YME1L1: variants seen among roughly 807,000 people sequenced by gnomAD.
YME1L1 encodes YME1 like 1 ATPase, also known as ATP-dependent zinc metalloprotease YME1L1.
Under a neutral mutation model 90.4 loss-of-function variants are expected in YME1L1, and 39 were observed. The ratio of observed to expected loss-of-function variants is 0.43; its 90% CI spans 0.33 to 0.56. The LOEUF (loss-of-function observed/expected upper bound fraction) is 0.56, where lower values mean the gene tolerates loss of function less well. Among genes scored for constraint, YME1L1 ranks in the 20% least tolerant of loss-of-function variants. The probability of loss-of-function intolerance (pLI) is 0.03; values close to 1 mark genes in which losing one functional copy is unlikely to be tolerated. For missense variants in YME1L1, 617 were observed against 868.4 expected (o/e 0.71, Z 3.64); for synonymous variants, 284 against 287.3 (o/e 0.99, Z 0.12).
chr10:27,115,706 A>G (rs2056806036), intron 17 of YME1L1, among the ~76,000 whole-genome samples: 1 of 152,202 alleles, frequency 6.6e-6, no homozygotes, highest in South Asian at 2.1e-4. Flanking sequence ...AGAGTATAGT[A>G]GTGCTTCAAG....
chr10:27,136,140 C>T, intron 5 of YME1L1, 136 bp downstream of exon 5: 2 of 713,814 alleles, frequency 2.8e-6, no homozygotes. Flanking sequence ...AATGATTACA[C>T]AGGTTACTAA....
chr10:27,115,707 G>A (rs76038380), intron 17 of YME1L1, among the ~76,000 whole-genome samples: 310 of 152,276 alleles, frequency 2.0e-3, no homozygotes, highest in Non-Finnish European at 3.7e-3. Flanking sequence ...GAGTATAGTA[G>A]TGCTTCAAGG....
At chr10:27,140,341 A>G (rs1199784911) in intron 4 of YME1L1, among the ~76,000 whole-genome samples, 5 of 151,670 alleles carry the variant, frequency 3.3e-5, no homozygotes, top group Admixed American at 3.3e-4. Flanking sequence ...CCTCAATGTC[A>G]TTTTGTCCTC....
chr10:27,140,351 C>T (rs762802080), intron 4 of YME1L1, among the ~76,000 whole-genome samples: 64 of 152,104 alleles, frequency 4.2e-4, no homozygotes, highest in Non-Finnish European at 7.8e-4. Context: ...ATTTTGTCCT[C>T]ACCAAGAGTC....
chr10:27,148,422 T>G (rs1278525640), intron 2 of YME1L1, among the ~76,000 whole-genome samples: 2 of 152,106 alleles, frequency 1.3e-5, no homozygotes, highest in African/African-American at 4.8e-5. Context: ...AGGCTAGTCT[T>G]GAACTCCTGA....
intron 17 of YME1L1, 82 bp from the exon 18 acceptor site, chr10:27,114,689 A>ATTTGTTTCCT: frequency 1.0e-6 from 1 of 1,001,858 alleles, no homozygotes; most frequent in Non-Finnish European, 1.5e-6. Context: ...TATCCTATAT[A>ATTTGTTTCCT]TAAGGAAACA....
Position 27,118,297 on chromosome 10 carries a change from G to C in YME1L1, c.1568-570C>G, listed in dbSNP as rs146240534. On this transcript the variant is annotated intron_variant, in intron 14 of 18. Transcript: ENST00000376016. The stretch of plus-strand genomic sequence containing the variant: ...AGCTTTAGTAATTTTTAGTAATTTT[G>C]TTTCTTTTTAAACAGGGTCTGTAAC... Among the ~76,000 whole-genome samples the C allele has an allele frequency of 3.8e-3, 573 of 149,716 alleles. 3 individuals are homozygous for C. Among genetic ancestry groups the C allele is most frequent in the Non-Finnish European group, 6.3e-3 (428 of 67,898 alleles).
At chr10:27,123,100 C>A in intron 10 of YME1L1, 127 bp from the exon 11 acceptor site, 1 of 1,205,828 alleles carries the variant, frequency 8.3e-7, no homozygotes, top group Non-Finnish European at 1.1e-6. Flanking sequence ...AAGAAAAGGA[C>A]GTCATTTTTT....
intron 2 of YME1L1, chr10:27,147,805 C>A: frequency 8.3e-7 from 1 of 1,197,700 alleles, no homozygotes; most frequent in Non-Finnish European, 1.2e-6. Context: ...CTGGCGTGCA[C>A]AATGGCCAGC....
intron 1 of YME1L1, among the ~76,000 whole-genome samples, chr10:27,151,835 C>A (rs1312458044): frequency 6.6e-6 from 1 of 150,474 alleles, no homozygotes; most frequent in African/African-American, 2.4e-5. Flanking sequence ...GAGCGGAGAT[C>A]GCGCCACTGC....
At position 27,149,158 on chromosome 10, in the gene YME1L1, C is replaced by G. The variant is rs1296822685; in HGVS notation, c.34-118G>C. On this transcript the variant is annotated intron_variant, in intron 1 of 18. Transcript: ENST00000376016. The stretch of plus-strand genomic sequence containing the variant: ...GTACATTATATATCAACTCTGTATA[C>G]TAAAAACTGTAAGTACTCAGATTTA... 3 of 854,488 alleles carry G rather than the reference C, an allele frequency of 3.5e-6. No individual in the cohort carries two copies. The African/African-American group carries it at 5.3e-5, about 15-fold the overall frequency. 52.9% of individuals were successfully genotyped at this position (854,488 alleles called of 1,614,324 possible). A position where few individuals can be genotyped will look rare whatever the true frequency, so the allele number is the denominator to read the frequency against.
chr10:27,145,138 C>T (rs1399183074), intron 3 of YME1L1, among the ~76,000 whole-genome samples: 2 of 151,492 alleles, frequency 1.3e-5, no homozygotes, highest in East Asian at 1.9e-4. Context: ...GAGACTCCGT[C>T]TCAAAAAAAA....
intron 1 of YME1L1, among the ~76,000 whole-genome samples, chr10:27,151,170 C>G (rs1024224641): frequency 6.6e-6 from 1 of 152,082 alleles, no homozygotes; most frequent in Non-Finnish European, 1.5e-5. Flanking sequence ...GATCCGCTCG[C>G]CTCTGCCTCC....
chr10:27,147,914 TC>T (rs2057163853), intron 2 of YME1L1, among the ~76,000 whole-genome samples: 2 of 152,186 alleles, frequency 1.3e-5, no homozygotes, highest in Admixed American at 1.3e-4. Context: ...AGGGCAGACT[TC>T]CCAGATTTCT....
At chr10:27,142,342 A>G in intron 4 of YME1L1, 45 bp downstream of exon 4, 1 of 1,142,596 alleles carries the variant, frequency 8.8e-7, no homozygotes, top group Non-Finnish European at 1.2e-6. Flanking sequence ...AGACTATAGT[A>G]AATAAATATT....
At chr10:27,146,448 G>C (rs1175449658) in intron 2 of YME1L1, 3 of 152,184 alleles carry the variant, frequency 2.0e-5, no homozygotes, top group African/African-American at 7.2e-5. Flanking sequence ...CTGAAAGAGA[G>C]GCACTTAAAG....
At chr10:27,151,165 G>A (rs1448908619) in intron 1 of YME1L1, among the ~76,000 whole-genome samples, 1 of 151,892 alleles carries the variant, frequency 6.6e-6, no homozygotes, top group East Asian at 1.9e-4. Context: ...CTCGTGATCC[G>A]CTCGCCTCTG....
intron 4 of YME1L1, 23 bp downstream of exon 4, chr10:27,142,364 A>G: frequency 7.5e-7 from 1 of 1,324,630 alleles, no homozygotes; most frequent in Non-Finnish European, 1.0e-6. Context: ...TTTTTTCCAC[A>G]ATTTATGGTT....
In YME1L1 at chr10:27,123,658, G is replaced by A; in HGVS notation, c.991C>T (p.Leu331Phe). ...VGPPGTGKTL[L>F]ARAVAGEADV... ...GCTTCTCCCGCCACAGCTCGGGCAA[G>A]AAGTGTCTTTCCAGTCCCTGGGGGT... Residue 331 changes from leucine (L) to phenylalanine (F), a missense_variant, in exon 10 of 19, where the codon CTT becomes TTT. Transcript: ENST00000376016. 1 of 1,613,692 alleles carries A rather than the reference G, an allele frequency of 6.2e-7. No individual in the cohort carries two copies. The highest frequency in any genetic ancestry group is 8.5e-7 in the Non-Finnish European group (1 of 1,179,784).
Sources: allele counts gnomAD v4.1 joint callset (sites outside exome capture counted in the v4.1 genomes callset), GRCh38; gene constraint gnomAD v4.1.1; transcripts MANE v1.5; gene names NCBI Gene and HGNC (gene_info 2026-07-23, HGNC 2026-07-21).